EPHA5: variants seen among roughly 807,000 people sequenced by gnomAD.
EPHA5 encodes EPH receptor A5, also known as ephrin type-A receptor 5.
EPHA5 carries 60 observed loss-of-function variants against 105.0 expected under a neutral mutation model. The observed-to-expected ratio is 0.57, with a 90% CI of 0.46 to 0.71. The LOEUF (loss-of-function observed/expected upper bound fraction) is 0.71. Ranked by LOEUF, EPHA5 falls within the 30% of genes least tolerant of loss-of-function variation. The pLI is 0.00. For synonymous variants in EPHA5, 513 were observed against 449.1 expected, an observed-to-expected ratio of 1.14 and a Z score of -1.80; for missense variants, 1,218 against 1,274.7, an observed-to-expected ratio of 0.96 and a Z score of 0.68.
intron 3 of EPHA5, among the ~76,000 whole-genome samples, chr4:65,546,708 T>A (rs1278988810): frequency 1.3e-5 from 2 of 152,070 alleles, no homozygotes; most frequent in Non-Finnish European, 2.9e-5. Flanking sequence ...CAACATTTCA[T>A]CAACTAGTAA....
At chr4:65,511,110 G>A (rs10866159) in intron 3 of EPHA5, among the ~76,000 whole-genome samples, 149,642 of 152,192 alleles carry the variant, frequency 0.98, 73,620 homozygotes, top group East Asian at 1. Flanking sequence ...TGGCACCTTG[G>A]TCTTGGACTT....
At chr4:65,389,355 T>C (rs1284392575) in intron 8 of EPHA5, among the ~76,000 whole-genome samples, 1 of 152,070 alleles carries the variant, frequency 6.6e-6, no homozygotes, top group Non-Finnish European at 1.5e-5. Context: ...TAAAAAGTAC[T>C]TGACTTCATC....
chr4:65,659,182 G>A (rs989679719), intron 1 of EPHA5, among the ~76,000 whole-genome samples: 1 of 151,832 alleles, frequency 6.6e-6, no homozygotes, highest in Non-Finnish European at 1.5e-5. Flanking sequence ...TTTTAACAGA[G>A]CAAGAGGTAG....
intron 2 of EPHA5, among the ~76,000 whole-genome samples, chr4:65,621,320 A>C (rs757727886): frequency 6.7e-5 from 10 of 148,654 alleles, no homozygotes; most frequent in Non-Finnish European, 1.4e-4. Context: ...CTGTGGCCAG[A>C]AGTGGGATGG....
chr4:65,484,703 C>T (rs1015353931), intron 5 of EPHA5, among the ~76,000 whole-genome samples: 1 of 152,034 alleles, frequency 6.6e-6, no homozygotes, highest in Non-Finnish European at 1.5e-5. Context: ...ACAAAATATA[C>T]ATGTATATAT....
intron 3 of EPHA5, among the ~76,000 whole-genome samples, chr4:65,594,072 G>C (rs1280148821): frequency 6.6e-6 from 1 of 152,028 alleles, no homozygotes; most frequent in Non-Finnish European, 1.5e-5. Context: ...TCTTTTGCTG[G>C]TATCTGAATA....
intron 5 of EPHA5, among the ~76,000 whole-genome samples, chr4:65,477,673 A>G (rs895707504): frequency 2.0e-5 from 3 of 152,060 alleles, no homozygotes; most frequent in Non-Finnish European, 4.4e-5. Context: ...TCGGCCTCCC[A>G]AAGTGCTGAG....
chr4:65,581,183 C>T (rs1052767500), intron 3 of EPHA5, among the ~76,000 whole-genome samples: 2 of 151,752 alleles, frequency 1.3e-5, no homozygotes, highest in African/African-American at 2.4e-5. Context: ...TGTCTTGTCA[C>T]TTCTCTAAAA....
chr4:65,650,335 C>T (rs538821673), intron 1 of EPHA5, among the ~76,000 whole-genome samples: 1 of 148,610 alleles, frequency 6.7e-6, no homozygotes, highest in Non-Finnish European at 1.5e-5. Flanking sequence ...ATCACGAGGT[C>T]AGGAGATGGA....
At chr4:65,592,354 G>C (rs540348413) in intron 3 of EPHA5, among the ~76,000 whole-genome samples, 18 of 152,186 alleles carry the variant, frequency 1.2e-4, no homozygotes, top group South Asian at 1.0e-3. Context: ...CAAGCTCAGT[G>C]GGATGAGGCA....
chr4:65,469,096 G>T (rs1729042839), intron 5 of EPHA5, among the ~76,000 whole-genome samples: 1 of 151,962 alleles, frequency 6.6e-6, no homozygotes. Flanking sequence ...GGATGATGTG[G>T]TATGCATATG....
chr4:65,468,566 T>TA (rs1728953004), intron 5 of EPHA5, among the ~76,000 whole-genome samples: 1 of 122,050 alleles, frequency 8.2e-6, no homozygotes, highest in African/African-American at 3.1e-5. Flanking sequence ...ATATTATATA[T>TA]TATATATATA....
intron 3 of EPHA5, among the ~76,000 whole-genome samples, chr4:65,576,062 AGAAAAGAAAAGAAAAG>A (rs1560721166): frequency 1.1e-4 from 6 of 56,174 alleles, no homozygotes; most frequent in African/African-American, 3.0e-4. Context: ...AAGAAAGAAA[AGAAAAGAAAAGAAAAG>A]AAAAGAAAAG....
intron 3 of EPHA5, among the ~76,000 whole-genome samples, chr4:65,597,263 A>G (rs1407179361): frequency 6.6e-6 from 1 of 152,150 alleles, no homozygotes; most frequent in Non-Finnish European, 1.5e-5. Context: ...CTAATTTCAA[A>G]TTACTACTTC....
At chr4:65,616,428 T>TACACACAC (rs34942929) in intron 2 of EPHA5, among the ~76,000 whole-genome samples, 46 of 143,640 alleles carry the variant, frequency 3.2e-4, no homozygotes, top group Middle Eastern at 6.9e-3. Context: ...ACTTAATGCA[T>TACACACAC]ACACACACAC....
chr4:65,477,600 T>G (rs1729950044), intron 5 of EPHA5, among the ~76,000 whole-genome samples: 1 of 151,698 alleles, frequency 6.6e-6, no homozygotes, highest in African/African-American at 2.4e-5. Flanking sequence ...TTTAGTAGAG[T>G]CAGGGGTTTC....
rs1349873457 is a variant in EPHA5, at chr4:65,423,977, A to T, written c.1403-3412T>A. 2.0e-5 allele frequency among the ~76,000 whole-genome samples: 3 copies of T among 152,012 alleles called. No homozygotes were observed. In the East Asian group the frequency reaches 5.8e-4, roughly 29 times the overall value. ...TATATCTATATTAACCTAAAGATGC[A>T]TATATACTGATGTTGCGAACTCTAA... On this transcript the variant is annotated intron_variant, in intron 5 of 16. Coordinates refer to ENST00000613740, the MANE Select transcript of EPHA5 (RefSeq NM_001281766.3).
intron 13 of EPHA5, among the ~76,000 whole-genome samples, chr4:65,349,637 A>G (rs1159842417): frequency 1.3e-5 from 2 of 152,168 alleles, no homozygotes; most frequent in Non-Finnish European, 2.9e-5. Context: ...ATATAAGGAA[A>G]TAACAGTTTG....
chr4:65,387,344 G>C (rs1720204030), intron 8 of EPHA5, among the ~76,000 whole-genome samples: 2 of 151,848 alleles, frequency 1.3e-5, no homozygotes, highest in Non-Finnish European at 1.5e-5. Flanking sequence ...GGAACAAATG[G>C]GCTAAACTGT....
Sources: gnomAD v4.1 joint callset for allele counts (sites outside exome capture counted in the v4.1 genomes callset) on GRCh38, gnomAD v4.1.1 for gene constraint, MANE v1.5 for transcripts, NCBI Gene and HGNC (gene_info 2026-07-23, HGNC 2026-07-21) for gene names.